The following CA10 variants were observed in gnomAD, a reference collection of about 807,000 sequenced individuals.
The protein encoded by CA10 is carbonic anhydrase 10 (inactive), also known as carbonic anhydrase-related protein 10.
In CA10, 14 loss-of-function variants were observed where a neutral mutation model predicts 44.2. The observed-to-expected ratio is 0.32, with a 90% confidence interval of 0.21 to 0.50. CA10 has a LOEUF of 0.50. Ranked by LOEUF, CA10 falls within the 20% of genes least tolerant of loss-of-function variation. The pLI is 0.99. For synonymous variants in CA10, 159 were observed against 141.6 expected (o/e 1.12, Z -0.87); for missense variants, 350 against 409.7 (o/e 0.85, Z 1.26).
intron 2 of CA10, among the ~76,000 whole-genome samples, chr17:52,022,004 T>C (rs1267275543): frequency 3.3e-5 from 5 of 152,054 alleles, no homozygotes; most frequent in East Asian, 3.9e-4. Context: ...CAATCCTTAC[T>C]GAAACTATTC....
intron 4 of CA10, among the ~76,000 whole-genome samples, chr17:51,662,181 A>C (rs568420543): frequency 6.6e-6 from 1 of 152,210 alleles, no homozygotes. Flanking sequence ...GATGATTACT[A>C]TTGTTACCTT....
chr17:51,924,815 A>G (rs983406665), intron 3 of CA10, among the ~76,000 whole-genome samples: 9 of 152,104 alleles, frequency 5.9e-5, no homozygotes, highest in Non-Finnish European at 5.9e-5. Flanking sequence ...CGGTCCCTCT[A>G]TGAGGGATCC....
intron 2 of CA10, among the ~76,000 whole-genome samples, chr17:51,991,824 A>G (rs1985050990): frequency 6.6e-6 from 1 of 151,966 alleles, no homozygotes; most frequent in Admixed American, 6.6e-5. Flanking sequence ...TAAATAAATA[A>G]ATGCCTTTTG....
intron 2 of CA10, among the ~76,000 whole-genome samples, chr17:51,973,007 C>G (rs2144072953): frequency 6.6e-6 from 1 of 152,250 alleles, no homozygotes; most frequent in African/African-American, 2.4e-5. Context: ...CTGCAGAGTA[C>G]TAGCCAATTG....
At chr17:51,649,381 C>A in intron 5 of CA10, 127 bp from the exon 6 acceptor site, 2 of 723,970 alleles carry the variant, frequency 2.8e-6, no homozygotes, top group East Asian at 2.6e-5. Context: ...ATGACAGCTG[C>A]AAATTCAGAG....
intron 3 of CA10, among the ~76,000 whole-genome samples, chr17:51,847,223 A>G (rs1978534734): frequency 6.6e-6 from 1 of 152,216 alleles, no homozygotes; most frequent in African/African-American, 2.4e-5. Context: ...TAAAATTCTG[A>G]ACCCACCCAA....
intron 1 of CA10, among the ~76,000 whole-genome samples, chr17:52,123,668 A>G (rs375403861): frequency 5.3e-5 from 8 of 152,208 alleles, no homozygotes; most frequent in African/African-American, 7.2e-5. Context: ...TAACATTTCC[A>G]GAAGTTTTTC....
At chr17:51,830,789 T>C (rs564730560) in intron 3 of CA10, among the ~76,000 whole-genome samples, 65 of 152,278 alleles carry the variant, frequency 4.3e-4, no homozygotes, top group Non-Finnish European at 7.9e-4. Context: ...TAGTAGATAT[T>C]TGCCATTTGT....
intron 3 of CA10, among the ~76,000 whole-genome samples, chr17:51,849,486 C>T (rs535533284): frequency 1.1e-4 from 17 of 151,588 alleles, no homozygotes; most frequent in African/African-American, 3.4e-4. Context: ...CTTGGTGCAA[C>T]GGAAAGATCT....
intron 4 of CA10, among the ~76,000 whole-genome samples, chr17:51,693,462 CAATA>C (rs1379239822): frequency 2.0e-5 from 3 of 152,086 alleles, no homozygotes; most frequent in African/African-American, 7.2e-5. Flanking sequence ...GCATAGCACC[CAATA>C]GTTTTTCAGC....
chr17:51,913,324 A>G (rs752517911), intron 3 of CA10, among the ~76,000 whole-genome samples: 11 of 152,176 alleles, frequency 7.2e-5, no homozygotes, highest in Non-Finnish European at 1.5e-4. Flanking sequence ...GAAGAACTGA[A>G]GGCAGGGTGA....
chr17:51,636,769 A>T (rs905553523), intron 6 of CA10, among the ~76,000 whole-genome samples: 1 of 92,182 alleles, frequency 1.1e-5, no homozygotes. Context: ...TCAACAACTG[A>T]TTATTTTGTG....
chr17:51,869,106 AG>A (rs912156958), intron 3 of CA10, among the ~76,000 whole-genome samples: 5 of 152,228 alleles, frequency 3.3e-5, no homozygotes, highest in South Asian at 4.1e-4. Context: ...ATAAATTATC[AG>A]GGGGGAAAAG....
chr17:51,767,031 G>C (rs193130186), intron 3 of CA10, among the ~76,000 whole-genome samples: 1 of 152,298 alleles, frequency 6.6e-6, no homozygotes, highest in Admixed American at 6.5e-5. Flanking sequence ...ATCTCTAACT[G>C]TTGACTTTTA....
intron 2 of CA10, among the ~76,000 whole-genome samples, chr17:51,976,741 G>A (rs975390634): frequency 6.6e-6 from 1 of 151,548 alleles, no homozygotes; most frequent in African/African-American, 2.4e-5. Flanking sequence ...GAAAGGGAAT[G>A]TTAAAAATGA....
chr17:51,960,495 A>G (rs1412709733), intron 2 of CA10, among the ~76,000 whole-genome samples: 1 of 152,190 alleles, frequency 6.6e-6, no homozygotes, highest in African/African-American at 2.4e-5. Flanking sequence ...AATATTGAAA[A>G]CAACAAGTAA....
chr17:51,643,744 C>A (rs1408416698), intron 6 of CA10, among the ~76,000 whole-genome samples: 2 of 152,152 alleles, frequency 1.3e-5, no homozygotes, highest in Admixed American at 6.5e-5. Flanking sequence ...TAGCAACCTG[C>A]CTCCTCCCCT....
At chr17:51,789,179 C>T (rs975635429) in intron 3 of CA10, among the ~76,000 whole-genome samples, 1 of 152,074 alleles carries the variant, frequency 6.6e-6, no homozygotes, top group Non-Finnish European at 1.5e-5. Flanking sequence ...CCACACCTGG[C>T]TAATTTTTGT....
intron 2 of CA10, among the ~76,000 whole-genome samples, chr17:52,010,141 C>A (rs1985737760): frequency 6.6e-6 from 1 of 151,932 alleles, no homozygotes; most frequent in South Asian, 2.1e-4. Flanking sequence ...AACACTTTTA[C>A]ACCGTTGGTG....
Sources: allele counts gnomAD v4.1 joint callset (sites outside exome capture counted in the v4.1 genomes callset), GRCh38; gene constraint gnomAD v4.1.1; transcripts MANE v1.5; gene names NCBI Gene and HGNC (gene_info 2026-07-23, HGNC 2026-07-21).